Variants in ELF2 observed in about 807,000 individuals in gnomAD.
ELF2 encodes the protein ETS-related transcription factor Elf-2.
In ELF2, 11 loss-of-function variants were observed where a neutral mutation model predicts 54.8. The ratio of observed to expected loss-of-function variants is 0.20; its 90% CI spans 0.13 to 0.33. ELF2 has a LOEUF of 0.33. ELF2 is among the 10% of genes least tolerant of loss of function. The pLI, the probability that ELF2 is intolerant of heterozygous loss-of-function variation, is 1.00. For missense variants in ELF2, 513 were observed against 703.0 expected, an observed-to-expected ratio of 0.73 and a Z score of 3.06; for synonymous variants, 203 against 245.1, an observed-to-expected ratio of 0.83 and a Z score of 1.61.
chr4:139,156,140 C>T (rs1740503869), intron 1 of ELF2, among the ~76,000 whole-genome samples: 1 of 152,102 alleles, frequency 6.6e-6, no homozygotes, highest in Non-Finnish European at 1.5e-5. Flanking sequence ...ATCCAGTTAA[C>T]ATGTTATTAA....
intron 4 of ELF2, among the ~76,000 whole-genome samples, chr4:139,087,913 T>C (rs1374535234): frequency 2.6e-5 from 4 of 152,222 alleles, no homozygotes; most frequent in Non-Finnish European, 5.9e-5. Flanking sequence ...TGTAGTATCT[T>C]GAATACACTG....
chr4:139,078,145 C>T (rs1313146156), intron 4 of ELF2, among the ~76,000 whole-genome samples: 1 of 152,118 alleles, frequency 6.6e-6, no homozygotes, highest in African/African-American at 2.4e-5. Context: ...TTACAAAATA[C>T]CAAACTTGGT....
intron 8 of ELF2, among the ~76,000 whole-genome samples, chr4:139,061,016 CAACA>C (rs1301091375): frequency 1.3e-5 from 2 of 151,998 alleles, no homozygotes; most frequent in Non-Finnish European, 2.9e-5. Context: ...TAGGTTGTAA[CAACA>C]AACTGATATT....
intron 3 of ELF2, among the ~76,000 whole-genome samples, chr4:139,128,597 C>T (rs892011791): frequency 6.6e-6 from 1 of 151,728 alleles, no homozygotes; most frequent in Non-Finnish European, 1.5e-5. Context: ...TCATGGCTCA[C>T]CGCAACCTCT....
intron 3 of ELF2, 69 bp downstream of exon 3, chr4:139,137,561 A>G: frequency 6.9e-7 from 1 of 1,441,574 alleles, no homozygotes; most frequent in Non-Finnish European, 9.7e-7. Context: ...GTTTCCTATT[A>G]ATTTCAAAAT....
At chr4:139,129,671 T>C (rs1737291321) in intron 3 of ELF2, among the ~76,000 whole-genome samples, 3 of 152,214 alleles carry the variant, frequency 2.0e-5, no homozygotes, top group South Asian at 4.1e-4. Flanking sequence ...GTTCTTAGCA[T>C]AGTATAAGTA....
At chr4:139,159,016 G>C (rs1026984480) in intron 1 of ELF2, among the ~76,000 whole-genome samples, 4 of 152,186 alleles carry the variant, frequency 2.6e-5, no homozygotes, top group African/African-American at 9.7e-5. Flanking sequence ...TCCGTTATCG[G>C]ACTGCAGAGA....
At chr4:139,147,722 C>T (rs892766661) in intron 1 of ELF2, among the ~76,000 whole-genome samples, 3 of 151,832 alleles carry the variant, frequency 2.0e-5, no homozygotes, top group African/African-American at 4.8e-5. Flanking sequence ...GAGTTACCTG[C>T]CTCGGCCTCC....
At chr4:139,115,325 G>C (rs986202971) in intron 4 of ELF2, 3 of 1,498,506 alleles carry the variant, frequency 2.0e-6, no homozygotes, top group South Asian at 1.3e-5. Flanking sequence ...GCCCGGCCCG[G>C]GGGCCGGGGT....
At chr4:139,082,558 ATAT>A (rs1560785741) in intron 4 of ELF2, among the ~76,000 whole-genome samples, 1 of 152,234 alleles carries the variant, frequency 6.6e-6, no homozygotes, top group Non-Finnish European at 1.5e-5. Context: ...CAATACATAC[ATAT>A]TATTTCAGAC....
intron 1 of ELF2, among the ~76,000 whole-genome samples, chr4:139,153,957 C>T (rs1306102523): frequency 6.6e-6 from 1 of 152,116 alleles, no homozygotes; most frequent in Non-Finnish European, 1.5e-5. Context: ...TTTTCTTTCC[C>T]CTTTCCCTAC....
At chr4:139,084,696 A>T (rs1194821312) in intron 4 of ELF2, among the ~76,000 whole-genome samples, 3 of 152,136 alleles carry the variant, frequency 2.0e-5, no homozygotes, top group African/African-American at 7.2e-5. Context: ...AAGAGCCATT[A>T]ATCATATTTT....
intron 1 of ELF2, among the ~76,000 whole-genome samples, chr4:139,151,015 CTCCATCTCAAAAAAAAAAA>C (rs1560870687): frequency 2.1e-5 from 2 of 93,358 alleles, no homozygotes; most frequent in African/African-American, 1.2e-4. Flanking sequence ...CGGAACGAGG[CTCCATCTCAAAAAAAAAAA>C]AGAAAGAAAG....
chr4:139,118,283 C>T (rs1735959772), intron 4 of ELF2, among the ~76,000 whole-genome samples: 1 of 151,978 alleles, frequency 6.6e-6, no homozygotes, highest in Non-Finnish European at 1.5e-5. Flanking sequence ...TACCTATATC[C>T]AGATGGTATA....
At chr4:139,126,873 T>A (rs1736973921) in intron 3 of ELF2, among the ~76,000 whole-genome samples, 1 of 151,968 alleles carries the variant, frequency 6.6e-6, no homozygotes, top group African/African-American at 2.4e-5. Flanking sequence ...CTATTGCAAA[T>A]ACAGGATAGA....
intron 1 of ELF2, among the ~76,000 whole-genome samples, chr4:139,153,517 A>G (rs1265728425): frequency 6.6e-6 from 1 of 152,158 alleles, no homozygotes; most frequent in Non-Finnish European, 1.5e-5. Context: ...CAAAGGGAAA[A>G]GTTAAGCTTA....
In ELF2 at chr4:139,084,460, G is replaced by GGCT. The variant is rs573960373; in HGVS notation, c.239-10896_239-10894dup. ...CAGGGGCGGCGGCGGCGGCGGCGGCGGCTGTGGCTGTGGCGGCCGCCGCAG... is the reference window on the plus strand; with the variant it reads ...CAGGGGCGGCGGCGGCGGCGGCGGCGGCTGCTGTGGCTGTGGCGGCCGCCGCAG... On this transcript the variant is annotated intron_variant, in intron 4 of 9. Transcript: ENST00000686138. 612 of 1,121,748 alleles carry GGCT rather than the reference G, an allele frequency of 5.5e-4. 4 individuals carry two copies. The African/African-American group carries it at 9.3e-3, about 17-fold the overall frequency. The allele number at this position is 1,121,748 out of a possible 1,614,324, so 69.5% of individuals were successfully genotyped here. A position where few individuals can be genotyped will look rare whatever the true frequency, so the allele number is the denominator to read the frequency against.
intron 4 of ELF2, among the ~76,000 whole-genome samples, chr4:139,095,889 C>T (rs1363422288): frequency 2.0e-5 from 3 of 152,016 alleles, no homozygotes; most frequent in Non-Finnish European, 4.4e-5. Context: ...TACTGAAGTA[C>T]AAAAATTAGC....
At position 139,084,265 on chromosome 4, in the gene ELF2, A is replaced by G. The variant is rs1215681066; in HGVS notation, c.239-10698T>C. 3.1e-6 allele frequency: 5 copies of G among 1,605,118 alleles called. No individual in the cohort carries two copies. In the Admixed American group the frequency reaches 6.7e-5, roughly 21 times the overall value. On this transcript the variant is annotated intron_variant, in intron 4 of 9. Coordinates refer to ENST00000686138, the MANE Select transcript of ELF2 (RefSeq NM_001331036.3). Reference sequence around the variant, plus strand: ...CAGCGGCGGCAGGGGAGGAGGCGGAACCCGCGGCCGGAGACACACGCCGTG... The same window carrying G: ...CAGCGGCGGCAGGGGAGGAGGCGGAGCCCGCGGCCGGAGACACACGCCGTG...
Sources: gnomAD v4.1 joint callset for allele counts (sites outside exome capture counted in the v4.1 genomes callset) on GRCh38, gnomAD v4.1.1 for gene constraint, MANE v1.5 for transcripts, NCBI Gene and HGNC (gene_info 2026-07-23, HGNC 2026-07-21) for gene names.